Variants in STRC observed in about 807,000 individuals in gnomAD.
STRC encodes stereocilin.
In STRC, 43 loss-of-function variants were observed where a neutral mutation model predicts 103.5. The ratio of observed to expected loss-of-function variants is 0.42; its 90% CI spans 0.33 to 0.54. The LOEUF (loss-of-function observed/expected upper bound fraction) is 0.54, where lower values mean the gene tolerates loss of function less well. STRC is among the 20% of genes least tolerant of loss of function. The pLI is 0.14. For synonymous variants in STRC, 186 were observed against 442.3 expected (o/e 0.42, Z 7.27); for missense variants, 499 against 1,088.5 (o/e 0.46, Z 7.62).
At chr15:43,605,146 A>T (rs2085702667) in intron 19 of STRC, 118 bp downstream of exon 19, 2 of 1,546,532 alleles carry the variant, frequency 1.3e-6, no homozygotes, top group Non-Finnish European at 1.7e-6. Context: ...GTAGACAGGA[A>T]TCTGTTTGGC....
intron 23 of STRC, 98 bp from the exon 24 acceptor site, chr15:43,601,649 C>G (rs1426517868): frequency 1.6e-6 from 2 of 1,283,490 alleles, no homozygotes; most frequent in East Asian, 2.4e-5. Context: ...CTGTATAACT[C>G]TAGGTAAATC....
chr15:43,603,554 A>G (rs1270193908), intron 22 of STRC, 143 bp from the exon 23 acceptor site: 6 of 924,396 alleles, frequency 6.5e-6, no homozygotes, highest in Non-Finnish European at 1.0e-5. Context: ...ACAGAGTAAT[A>G]TGTATAGGGC....
chr15:43,601,621 T>C, intron 23 of STRC, 70 bp from the exon 24 acceptor site: 1 of 1,525,006 alleles, frequency 6.6e-7, no homozygotes, highest in Non-Finnish European at 9.1e-7. Flanking sequence ...GGGTTTTAAG[T>C]CTTGCCTCTG....
intron 23 of STRC, among the ~76,000 whole-genome samples, chr15:43,602,239 G>C (rs778253848): frequency 1.3e-5 from 2 of 151,612 alleles, no homozygotes; most frequent in Non-Finnish European, 2.9e-5. Context: ...GGAGGGCAGT[G>C]GTGCGATCTT....
intron 19 of STRC, 154 bp from the exon 20 acceptor site, chr15:43,605,000 G>C: frequency 3.1e-6 from 4 of 1,304,122 alleles, no homozygotes; most frequent in Non-Finnish European, 4.3e-6. Flanking sequence ...CTTAAGCAAT[G>C]AGCCCAGATA....
chr15:43,599,927 A>T, intron 28 of STRC, 33 bp downstream of exon 28: 1 of 1,220,124 alleles, frequency 8.2e-7, no homozygotes, highest in Non-Finnish European at 1.1e-6. Context: ...GGGTCAGGAG[A>T]TGGAGGATCA....
At chr15:43,605,214 C>T in intron 19 of STRC, 50 bp downstream of exon 19, 1 of 1,574,690 alleles carries the variant, frequency 6.4e-7, no homozygotes, top group Admixed American at 1.9e-5. Flanking sequence ...GTCTGAGGAG[C>T]AAGAATTGCC....
At position 43,605,444 on chromosome 15, in the gene STRC, C is replaced by A. The variant is rs373718573; in HGVS notation, c.3795-45G>T. 6.4e-6 allele frequency: 10 copies of A among 1,569,314 alleles called. No individual in the cohort carries two copies. In the African/African-American group the frequency reaches 1.2e-4, roughly 19 times the overall value. On this transcript the variant is annotated intron_variant, in intron 18 of 28. Coordinates refer to ENST00000450892, the MANE Select transcript of STRC (RefSeq NM_153700.2). ...ACAACAGGATTCAGGTGGAGCTGGG[C>A]CAAGTCGAGAAGGGACCACAAAACC... is the stretch of plus-strand genomic sequence containing the variant.
chr15:43,600,734 C>T (rs764784468), intron 25 of STRC, 52 bp from the exon 26 acceptor site: 1 of 1,612,738 alleles, frequency 6.2e-7, no homozygotes, highest in Non-Finnish European at 8.5e-7. Flanking sequence ...GTGAAAGGGG[C>T]TGTGGTCATG....
intron 23 of STRC, among the ~76,000 whole-genome samples, chr15:43,602,837 G>C (rs548614430): frequency 6.6e-6 from 1 of 151,380 alleles, no homozygotes; most frequent in Admixed American, 6.6e-5. Context: ...AGTAGAGACC[G>C]TGTTTCGCCG....
Position 43,610,993 on chromosome 15 carries a change from G to C in STRC, c.3307-9C>G, listed in dbSNP as rs767819255. 1.3e-5 allele frequency: 19 copies of C among 1,466,754 alleles called. No individual in the cohort carries two copies. The highest frequency in any genetic ancestry group is 1.7e-5 in the Non-Finnish European group (19 of 1,085,750). 90.9% of individuals were successfully genotyped at this position (1,466,754 alleles called of 1,614,324 possible). On this transcript the variant is annotated splice_polypyrimidine_tract_variant and intron_variant, in intron 13 of 28. Transcript: ENST00000450892. ...TTAACACCATCTTTAACCTGCATGA[G>C]AATTGGTTGTGTGTGTGTGTGTGTG... is the stretch of plus-strand genomic sequence containing the variant.
chr15:43,600,091 A>T lies in STRC; in HGVS notation c.5108T>A (p.Ile1703Asn). The T allele has an allele frequency of 6.2e-7, 1 of 1,613,008 alleles. No homozygotes were observed. The highest frequency in any genetic ancestry group is 2.2e-5 in the East Asian group (1 of 44,844). ...AGCACTGGTGAGACTAGATAGTTGG[A>T]TGGGACTAAACACCACCTGAGGGCA... ...PPKFAVVFSP[I>N]QLSSLTSAQA... Residue 1703 changes from isoleucine (I) to asparagine (N), a missense_variant, in exon 28 of 29, where the codon ATC becomes AAC. Physicochemically the swap from Ile to Asn is moderately radical, Grantham distance 149 (BLOSUM62 -3). Coordinates refer to ENST00000450892, the MANE Select transcript of STRC (RefSeq NM_153700.2).
Position 43,608,089 on chromosome 15 carries a change from T to C in STRC, c.3672A>G (p.Arg1224=), listed in dbSNP as rs2085724076. 6.2e-7 allele frequency: 1 copy of C among 1,610,040 alleles called. No homozygotes were observed. Among genetic ancestry groups the C allele is most frequent in the Non-Finnish European group, 8.5e-7 (1 of 1,179,386 alleles). Residue 1224 remains arginine, a synonymous_variant, in exon 17 of 29, where the codon CGA becomes CGG. Transcript: ENST00000450892. The part of the protein sequence containing the change: ...HMIYQLPTRV[R]GSLRACIWAE... ...AGGCACCCCCTCTCACCAGGCTCCC[T>C]CGAACTCTAGTGGGCAGCTGATAGA... is the stretch of plus-strand genomic sequence containing the variant.
In STRC at chr15:43,604,367, G is replaced by T. The variant is rs1567117578; in HGVS notation, c.4212C>A (p.Ile1404=). The T allele has an allele frequency of 1.3e-6, 2 of 1,570,046 alleles. No individual in the cohort carries two copies. Among genetic ancestry groups the T allele is most frequent in the South Asian group, 2.3e-5 (2 of 86,750 alleles). The change falls in exon 21 of 29, where the codon ATC becomes ATA. Residue 1404 remains isoleucine (I), a synonymous_variant. Coordinates refer to ENST00000450892, the MANE Select transcript of STRC (RefSeq NM_153700.2). ...FTLSTEAISL[I]PREALGPETL... ...CCTTCTTCCTTCATCTCACCCTGGG[G>T]ATCAAGGAAATTGCCTCAGTAGACA...
At chr15:43,600,766 C>T (rs2085659608) in intron 25 of STRC, 84 bp from the exon 26 acceptor site, 7 of 1,612,590 alleles carry the variant, frequency 4.3e-6, no homozygotes, top group Non-Finnish European at 5.1e-6. Context: ...GAGATGGCTT[C>T]AAATGAGTTC....
At chr15:43,601,686 C>G (rs2085670347) in intron 23 of STRC, 135 bp from the exon 24 acceptor site, 1 of 908,350 alleles carries the variant, frequency 1.1e-6, no homozygotes, top group Non-Finnish European at 1.8e-6. Context: ...GTTTCCTCCA[C>G]TATAAAATGA....
chr15:43,603,109 G>A, intron 23 of STRC, 133 bp downstream of exon 23: 12 of 962,904 alleles, frequency 1.2e-5, no homozygotes, highest in Non-Finnish European at 1.9e-5. Context: ...CCTCCTACTT[G>A]TGACCCAAAT....
chr15:43,601,736 C>T, intron 23 of STRC, 185 bp from the exon 24 acceptor site: 2 of 627,976 alleles, frequency 3.2e-6, no homozygotes, highest in Non-Finnish European at 5.6e-6. Context: ...TTTTGAAAGA[C>T]ATTACAATCA....
At chr15:43,609,237 T>C in intron 16 of STRC, 39 bp downstream of exon 16, 1 of 1,601,800 alleles carries the variant, frequency 6.2e-7, no homozygotes, top group Non-Finnish European at 8.5e-7. Context: ...AAAAAAATGT[T>C]GGTCGAATTC....
Sources: allele counts gnomAD v4.1 joint callset (sites outside exome capture counted in the v4.1 genomes callset), GRCh38; gene constraint gnomAD v4.1.1; transcripts MANE v1.5; gene names NCBI Gene and HGNC (gene_info 2026-07-23, HGNC 2026-07-21).